SNRK: variants seen among roughly 807,000 people sequenced by gnomAD.
SNRK encodes SNF-related serine/threonine-protein kinase.
A neutral mutation model predicts 48.2 loss-of-function variants in SNRK; 3 were observed. The ratio of observed to expected loss-of-function variants is 0.06; its 90% CI spans 0.03 to 0.16. SNRK has a LOEUF of 0.16. Ranked by LOEUF, SNRK falls within the 10% of genes least tolerant of loss-of-function variation. The pLI, the probability that SNRK is intolerant of heterozygous loss-of-function variation, is 1.00. For missense variants in SNRK, 627 were observed against 976.0 expected, an observed-to-expected ratio of 0.64 and a Z score of 4.76; for synonymous variants, 376 against 366.1, an observed-to-expected ratio of 1.03 and a Z score of -0.31.
chr3:43,334,508 C>T (rs890036024), intron 4 of SNRK, among the ~76,000 whole-genome samples: 6 of 150,618 alleles, frequency 4.0e-5, no homozygotes, highest in African/African-American at 1.5e-4. Flanking sequence ...AAAATTTTTT[C>T]CTATTTCAGT....
At chr3:43,333,106 G>A (rs576023782) in intron 4 of SNRK, 2 of 152,092 alleles carry the variant, frequency 1.3e-5, no homozygotes, top group East Asian at 1.9e-4. Context: ...CCCATCTCAG[G>A]TGGATGTTTA....
In SNRK at chr3:43,347,286, C is replaced by G; in HGVS notation, c.1080-53C>G. 1 of 1,496,666 alleles carries G rather than the reference C, an allele frequency of 6.7e-7. No homozygotes were observed. Among genetic ancestry groups the G allele is most frequent in the Non-Finnish European group, 8.9e-7 (1 of 1,120,678 alleles). 92.7% of individuals were successfully genotyped at this position (1,496,666 alleles called of 1,614,324 possible). A position where few individuals can be genotyped will look rare whatever the true frequency, so the allele number is the denominator to read the frequency against. On this transcript the variant is annotated intron_variant, in intron 6 of 6. Coordinates refer to ENST00000296088, the MANE Select transcript of SNRK (RefSeq NM_017719.5). The surrounding 1 kb of genome is among the most constrained non-coding windows in gnomAD (Gnocchi z 5.4). ...AGTTCATTGTGATGTACTTTACTAT[C>G]ATCTGCATAATGATTATATGGCTTT...
chr3:43,343,273 AAATC>A (rs2091251026), intron 5 of SNRK, 67 bp from the exon 6 acceptor site: 1 of 1,495,750 alleles, frequency 6.7e-7, no homozygotes, highest in African/African-American at 1.4e-5. Flanking sequence ...GTACTTTTAA[AAATC>A]AATTCTGCTT....
At chr3:43,332,114 A>T (rs2091150982) in intron 3 of SNRK, 55 bp from the exon 4 acceptor site, 1 of 1,285,702 alleles carries the variant, frequency 7.8e-7, no homozygotes, top group South Asian at 2.1e-5. Context: ...CGCACTTTTA[A>T]TGTTTTTGGT....
At chr3:43,327,047 A>G (rs2135511) in intron 3 of SNRK, among the ~76,000 whole-genome samples, 33,107 of 152,124 alleles carry the variant, frequency 0.22, 4,792 homozygotes, top group East Asian at 0.59. Flanking sequence ...AGTTCAGATG[A>G]TCTGACAGTT....
At chr3:43,296,425 T>TATATATATATGTATATATATATATTC (rs1559458563) in intron 1 of SNRK, among the ~76,000 whole-genome samples, 1 of 145,858 alleles carries the variant, frequency 6.9e-6, no homozygotes, top group African/African-American at 2.5e-5. Flanking sequence ...CATATATATA[T>TATATATATATGTATATATATATATTC]ATATATATGT....
At chr3:43,338,025 C>T (rs954369711) in intron 4 of SNRK, among the ~76,000 whole-genome samples, 9 of 152,184 alleles carry the variant, frequency 5.9e-5, no homozygotes, top group African/African-American at 9.7e-5. Flanking sequence ...GCTGCGATGA[C>T]GGGTATGAGC....
At chr3:43,325,954 G>C (rs553688400) in intron 3 of SNRK, among the ~76,000 whole-genome samples, 14 of 151,990 alleles carry the variant, frequency 9.2e-5, no homozygotes, top group Middle Eastern at 3.2e-3. Flanking sequence ...TGATGTTTTC[G>C]CCATCTTATC....
chr3:43,291,703 G>A (rs1052515661), intron 1 of SNRK, among the ~76,000 whole-genome samples: 1 of 152,134 alleles, frequency 6.6e-6, no homozygotes, highest in African/African-American at 2.4e-5. Context: ...AGATCCTGTG[G>A]TACTCTTTCC....
At chr3:43,336,134 C>T (rs946498564) in intron 4 of SNRK, among the ~76,000 whole-genome samples, 8 of 151,270 alleles carry the variant, frequency 5.3e-5, no homozygotes, top group African/African-American at 1.9e-4. Flanking sequence ...TTTCTTTTTA[C>T]CCCATTCTTT....
chr3:43,304,449 A>G (rs1458666854), intron 3 of SNRK, among the ~76,000 whole-genome samples: 5 of 152,108 alleles, frequency 3.3e-5, no homozygotes, highest in East Asian at 1.9e-4. Flanking sequence ...TGGCATTCCT[A>G]ACTACCTTCT....
At position 43,325,518 on chromosome 3, in the gene SNRK, G is replaced by C. The variant is rs1465519276; in HGVS notation, c.590-6651G>C. Among the ~76,000 whole-genome samples the C allele has an allele frequency of 8.6e-5, 13 of 152,014 alleles. 1 individual carries two copies. The highest frequency in any genetic ancestry group is 8.5e-4 in the Admixed American group (13 of 15,252). On this transcript the variant is annotated intron_variant, in intron 3 of 6. Transcript: ENST00000296088. ...AAGAAAACATCAAAATACTCCACTA[G>C]CTGTCAAACTAAAACGTTTAGTTGA...
chr3:43,307,125 T>G (rs1323651219), intron 3 of SNRK, among the ~76,000 whole-genome samples: 1 of 152,230 alleles, frequency 6.6e-6, no homozygotes, highest in Non-Finnish European at 1.5e-5. Context: ...AATGGTAGTC[T>G]TCTATTCTCA....
At chr3:43,306,094 A>T (rs535315917) in intron 3 of SNRK, among the ~76,000 whole-genome samples, 1 of 152,218 alleles carries the variant, frequency 6.6e-6, no homozygotes, top group East Asian at 1.9e-4. Flanking sequence ...GATGTTCACC[A>T]GTCTGATAAA....
intron 4 of SNRK, among the ~76,000 whole-genome samples, chr3:43,335,285 A>T (rs1484768784): frequency 6.6e-6 from 1 of 152,098 alleles, no homozygotes; most frequent in Non-Finnish European, 1.5e-5. Context: ...TCCTTTTGTT[A>T]TTCAGTTCTA....
At chr3:43,290,065 C>T (rs1046016863) in intron 1 of SNRK, among the ~76,000 whole-genome samples, 4 of 152,180 alleles carry the variant, frequency 2.6e-5, no homozygotes, top group South Asian at 2.1e-4. Context: ...CACAACATAA[C>T]GGTGGTCAAA....
intron 6 of SNRK, among the ~76,000 whole-genome samples, chr3:43,344,776 G>A (rs890140198): frequency 2.6e-5 from 4 of 151,982 alleles, no homozygotes; most frequent in Non-Finnish European, 2.9e-5. Flanking sequence ...CAGAGGTTAC[G>A]GTCAACCTAG....
intron 1 of SNRK, among the ~76,000 whole-genome samples, chr3:43,290,960 A>G (rs2090807388): frequency 1.3e-5 from 2 of 152,156 alleles, no homozygotes; most frequent in South Asian, 4.1e-4. Flanking sequence ...ATGACCTCAC[A>G]TTTGTGATAA....
At chr3:43,335,480 A>C (rs1371323223) in intron 4 of SNRK, among the ~76,000 whole-genome samples, 1 of 151,912 alleles carries the variant, frequency 6.6e-6, no homozygotes, top group East Asian at 1.9e-4. Flanking sequence ...TGTTTTTTCA[A>C]ATTGCTGAGA....
Sources: allele counts gnomAD v4.1 joint callset (sites outside exome capture counted in the v4.1 genomes callset), GRCh38; gene constraint gnomAD v4.1.1; non-coding constraint Gnocchi (gnomAD v3.1); transcripts MANE v1.5; gene names NCBI Gene and HGNC (gene_info 2026-07-23, HGNC 2026-07-21).